EXOC3: variants seen among roughly 807,000 people sequenced by gnomAD.
EXOC3 encodes SEC6-like 1.
Under a neutral mutation model 73.7 loss-of-function variants are expected in EXOC3, and 21 were observed. The observed-to-expected ratio is 0.29, with a 90% CI of 0.20 to 0.41. The LOEUF (loss-of-function observed/expected upper bound fraction) is 0.41, where lower values mean the gene tolerates loss of function less well. Among genes scored for constraint, EXOC3 ranks in the 10% least tolerant of loss-of-function variants. The pLI, the probability that EXOC3 is intolerant of heterozygous loss-of-function variation, is 1.00. For missense variants in EXOC3, 842 were observed against 985.1 expected (o/e 0.85, Z 1.95); for synonymous variants, 410 against 389.1 (o/e 1.05, Z -0.63).
intron 10 of EXOC3, chr5:464,757 C>G (rs1368248085): frequency 2.4e-6 from 1 of 416,978 alleles, no homozygotes; most frequent in African/African-American, 2.0e-5. Context: ...GTTCCTCTTT[C>G]CTCCAAAGTG....
intron 4 of EXOC3, among the ~76,000 whole-genome samples, chr5:454,653 G>T (rs1176223715): frequency 6.6e-6 from 1 of 152,242 alleles, no homozygotes; most frequent in Admixed American, 6.5e-5. Flanking sequence ...GAACCACTCT[G>T]TGCGTGGATT....
intron 7 of EXOC3, 189 bp from the exon 8 acceptor site, chr5:461,771 C>G: frequency 1.7e-6 from 1 of 575,418 alleles, no homozygotes; most frequent in Admixed American, 3.1e-5. Context: ...TTTTTTGATC[C>G]ATTTAAAGTA....
In EXOC3 at chr5:443,232, C is replaced by CGGCGGCGGCGGG. The variant is rs1737385332; in HGVS notation, c.-104_-103insGGGCGGCGGCGG. ...GCGAAGGCGGAGGGGGCGGCGGGGG[C>CGGCGGCGGCGGG]GGCGGCGGCGGCGGCGGCGGCGGCG... On this transcript the variant is annotated 5_prime_UTR_variant, in exon 1 of 13. Transcript: ENST00000512944. The CGGCGGCGGCGGG allele has an allele frequency of 4.5e-4, 1 of 2,210 alleles. No individual in the cohort carries two copies. Among genetic ancestry groups the CGGCGGCGGCGGG allele is most frequent in the African/African-American group, 8.5e-3 (1 of 118 alleles). 0.1% of individuals were successfully genotyped at this position (2,210 alleles called of 1,614,324 possible). A position where few individuals can be genotyped will look rare whatever the true frequency, so the allele number is the denominator to read the frequency against.
chr5:462,415 G>T (rs1309049803), intron 9 of EXOC3, 108 bp downstream of exon 9: 1 of 1,288,602 alleles, frequency 7.8e-7, no homozygotes. Flanking sequence ...GCCGTCTGGG[G>T]AGCCGGGCTG....
chr5:466,070 GCACATCCC>G, intron 12 of EXOC3: 1 of 345,834 alleles, frequency 2.9e-6, no homozygotes, highest in Non-Finnish European at 5.5e-6. Flanking sequence ...AGCTCGAGGG[GCACATCCC>G]GGGTGGGGAC....
chr5:456,269 C>T (rs1407050561), intron 4 of EXOC3, among the ~76,000 whole-genome samples: 1 of 152,244 alleles, frequency 6.6e-6, no homozygotes, highest in Non-Finnish European at 1.5e-5. Flanking sequence ...AGACTAAATA[C>T]AATGTGAATG....
At chr5:465,518 C>T (rs1035909) in intron 11 of EXOC3, among the ~76,000 whole-genome samples, 200 bp from the exon 12 acceptor site, 93,912 of 152,180 alleles carry the variant, frequency 0.62, 29,131 homozygotes, top group Middle Eastern at 0.71. Context: ...GTCTGTCCTG[C>T]GCTGCGAGGT....
chr5:458,726 G>A (rs11134054), intron 6 of EXOC3, among the ~76,000 whole-genome samples: 21,296 of 152,164 alleles, frequency 0.14, 1,945 homozygotes, highest in Non-Finnish European at 0.2. Context: ...GTTTTAATTT[G>A]AGTGGCATTG....
At position 456,892 on chromosome 5, in the gene EXOC3, T is replaced by C; in HGVS notation, c.1050T>C (p.Thr350=). The part of the protein sequence containing the change: ...LTWVLNTYTS[T]EMMRNVELAP... Reference sequence around the variant, plus strand: ...CACATTCCTGGTTCCCCCATAGTACTGAGATGATGAGGAACGTGGAGCTGG... The same window carrying C: ...CACATTCCTGGTTCCCCCATAGTACCGAGATGATGAGGAACGTGGAGCTGG... The change falls in exon 5 of 13, where the codon ACT becomes ACC. Residue 350 remains threonine, a synonymous_variant. Coordinates refer to ENST00000512944, the MANE Select transcript of EXOC3 (RefSeq NM_007277.5). 1 of 1,608,372 alleles carries C rather than the reference T, an allele frequency of 6.2e-7. No homozygotes were observed. The highest frequency in any genetic ancestry group is 8.5e-7 in the Non-Finnish European group (1 of 1,174,806).
Position 457,913 on chromosome 5 carries a change from C to T in EXOC3, c.1178C>T (p.Ala393Val). Residue 393 changes from alanine (A) to valine (V), a missense_variant, in exon 6 of 13, where the codon GCC becomes GTC. Physicochemically the swap from Ala to Val is moderately conservative, Grantham distance 64 (BLOSUM62 0). Transcript: ENST00000512944. ...YMSTLTSNII[A>V]WLRKALETDK... ...AACTTTCTTTAGTCAAACATCATCGCCTGGCTGCGGAAAGCGCTGGAGACA... is the reference window on the plus strand; with the variant it reads ...AACTTTCTTTAGTCAAACATCATCGTCTGGCTGCGGAAAGCGCTGGAGACA... The T allele has an allele frequency of 6.2e-7, 1 of 1,607,970 alleles. No individual in the cohort carries two copies. Among genetic ancestry groups the T allele is most frequent in the Non-Finnish European group, 8.5e-7 (1 of 1,176,826 alleles).
intron 4 of EXOC3, among the ~76,000 whole-genome samples, chr5:454,697 T>TG (rs1171179934): frequency 6.6e-6 from 1 of 152,140 alleles, no homozygotes; most frequent in Non-Finnish European, 1.5e-5. Context: ...GGTGCAGTGG[T>TG]GGGGGTATTC....
intron 3 of EXOC3, among the ~76,000 whole-genome samples, chr5:450,007 A>G (rs1440052557): frequency 6.6e-6 from 1 of 152,230 alleles, no homozygotes; most frequent in African/African-American, 2.4e-5. Context: ...GCACTTTGGA[A>G]GGCTGAGGCA....
intron 7 of EXOC3, chr5:459,726 T>C (rs1737927842): frequency 7.1e-6 from 2 of 280,298 alleles, no homozygotes; most frequent in East Asian, 6.3e-5. Context: ...ACCAACTCTG[T>C]TGGAGTCAGG....
At chr5:445,472 C>T (rs546020250) in intron 1 of EXOC3, among the ~76,000 whole-genome samples, 6 of 151,858 alleles carry the variant, frequency 4.0e-5, no homozygotes, top group African/African-American at 9.7e-5. Flanking sequence ...GCCTCAGCCT[C>T]CCGAGTAGCT....
chr5:457,069 G>A (rs906343576), intron 5 of EXOC3, 63 bp downstream of exon 5: 4 of 1,152,256 alleles, frequency 3.5e-6, no homozygotes, highest in Non-Finnish European at 5.2e-6. Context: ...ACTAGGGCTT[G>A]GCAGCAGGCA....
intron 9 of EXOC3, 130 bp from the exon 10 acceptor site, chr5:464,160 A>C: frequency 2.5e-6 from 2 of 813,198 alleles, no homozygotes; most frequent in Non-Finnish European, 3.8e-6. Flanking sequence ...GAGGTGAGGA[A>C]GTGCCTCCCT....
intron 12 of EXOC3, chr5:466,082 T>TG: frequency 4.9e-6 from 1 of 204,270 alleles, no homozygotes; most frequent in South Asian, 4.0e-5. Flanking sequence ...ACATCCCGGG[T>TG]GGGGACAGTG....
rs1738176536 is a variant in EXOC3 at position 467,149 on chromosome 5, G to A, written c.*251G>A. The A allele has an allele frequency of 1.6e-5, 8 of 509,088 alleles. No individual in the cohort carries two copies. In the South Asian group the frequency reaches 2.4e-4, roughly 15 times the overall value. The allele number at this position is 509,088 out of a possible 1,614,324, so 31.5% of individuals were successfully genotyped here. On this transcript the variant is annotated 3_prime_UTR_variant, in exon 13 of 13. Coordinates refer to ENST00000512944, the MANE Select transcript of EXOC3 (RefSeq NM_007277.5). ...CACAGCCTCTCTTGGGTGCTTGTTTGTTGCAGTGGTTGAAAGTGTGTGGGG... is the reference window on the plus strand; with the variant it reads ...CACAGCCTCTCTTGGGTGCTTGTTTATTGCAGTGGTTGAAAGTGTGTGGGG...
intron 4 of EXOC3, among the ~76,000 whole-genome samples, chr5:454,293 G>T (rs1030305740): frequency 5.2e-5 from 8 of 152,382 alleles, no homozygotes; most frequent in African/African-American, 1.9e-4. Flanking sequence ...AGCCCCCGTT[G>T]AGCTTGACAG....
Sources: allele counts gnomAD v4.1 joint callset (sites outside exome capture counted in the v4.1 genomes callset), GRCh38; gene constraint gnomAD v4.1.1; transcripts MANE v1.5; gene names NCBI Gene and HGNC (gene_info 2026-07-23, HGNC 2026-07-21).